Variants in NKAIN2 observed in about 807,000 individuals in gnomAD.
NKAIN2 encodes sodium/potassium-transporting ATPase subunit beta-1-interacting protein 2.
A neutral mutation model predicts 32.6 loss-of-function variants in NKAIN2; 14 were observed. That is an observed-to-expected ratio of 0.43 (90% confidence interval 0.28 to 0.67). The LOEUF (loss-of-function observed/expected upper bound fraction) is 0.67. Ranked by LOEUF, NKAIN2 falls within the 30% of genes least tolerant of loss-of-function variation. The pLI is 0.17. For missense variants in NKAIN2, 198 were observed against 258.3 expected, an observed-to-expected ratio of 0.77 and a Z score of 1.60; for synonymous variants, 80 against 87.2, an observed-to-expected ratio of 0.92 and a Z score of 0.46.
intron 2 of NKAIN2, among the ~76,000 whole-genome samples, chr6:124,308,147 C>T (rs1031424593): frequency 3.3e-5 from 5 of 151,976 alleles, no homozygotes; most frequent in Non-Finnish European, 7.4e-5. Context: ...CCTTTGCCCC[C>T]CACCCCGCAG....
rs184547778 is a variant in NKAIN2 at position 124,659,244 on chromosome 6, T to C, written c.474+858T>C. Among the ~76,000 whole-genome samples the C allele has an allele frequency of 8.8e-4, 134 of 152,326 alleles. 1 individual carries two copies. The highest frequency in any genetic ancestry group is 2.4e-4 in the Non-Finnish European group (16 of 68,022). ...ATTCTATGTGGATGTGCAATTGATG[T>C]GCATAGTATTAAAATTGTTAGCAAC... On this transcript the variant is annotated intron_variant, in intron 4 of 6. Transcript: ENST00000368417.
At chr6:124,812,599 G>T (rs1161256336) in intron 5 of NKAIN2, among the ~76,000 whole-genome samples, 3 of 152,062 alleles carry the variant, frequency 2.0e-5, no homozygotes, top group Admixed American at 6.6e-5. Flanking sequence ...TAACATCCCA[G>T]CAAGTCCCCA....
chr6:124,013,741 C>G (rs1393987820), intron 1 of NKAIN2, among the ~76,000 whole-genome samples: 2 of 152,162 alleles, frequency 1.3e-5, no homozygotes, highest in African/African-American at 4.8e-5. Context: ...CCAGTTTAAT[C>G]ACACGTGTCT....
intron 3 of NKAIN2, among the ~76,000 whole-genome samples, chr6:124,628,294 G>A (rs148337481): frequency 6.6e-6 from 1 of 151,610 alleles, no homozygotes; most frequent in African/African-American, 2.4e-5. Context: ...CTTTCCTAAG[G>A]TTGTAGATAT....
intron 1 of NKAIN2, among the ~76,000 whole-genome samples, chr6:124,160,074 A>C (rs2114443318): frequency 6.6e-6 from 1 of 152,216 alleles, no homozygotes. Flanking sequence ...TGTGGGATAA[A>C]CCCTAGCTTA....
At chr6:124,141,266 G>T (rs2114333326) in intron 1 of NKAIN2, among the ~76,000 whole-genome samples, 2 of 151,760 alleles carry the variant, frequency 1.3e-5, no homozygotes, top group South Asian at 4.2e-4. Context: ...GATTCACAAA[G>T]AAAAAAAATA....
chr6:124,436,256 T>C (rs564727132), intron 3 of NKAIN2, among the ~76,000 whole-genome samples: 4 of 152,274 alleles, frequency 2.6e-5, no homozygotes, highest in African/African-American at 9.6e-5. Flanking sequence ...AGACCCTCTG[T>C]AGTATCAATT....
intron 4 of NKAIN2, among the ~76,000 whole-genome samples, chr6:124,698,200 G>A (rs565734030): frequency 3.3e-5 from 5 of 152,304 alleles, no homozygotes; most frequent in African/African-American, 1.2e-4. Context: ...AAGCCAGTTT[G>A]CAGTGTGGGC....
intron 1 of NKAIN2, among the ~76,000 whole-genome samples, chr6:124,065,075 G>T (rs566687970): frequency 6.6e-6 from 1 of 151,984 alleles, no homozygotes; most frequent in South Asian, 2.1e-4. Context: ...ATTTTCTGTC[G>T]TCCCACAAGC....
At chr6:124,118,931 A>T (rs535591364) in intron 1 of NKAIN2, among the ~76,000 whole-genome samples, 1 of 152,330 alleles carries the variant, frequency 6.6e-6, no homozygotes, top group East Asian at 1.9e-4. Flanking sequence ...TTAAGCAGTT[A>T]GATGGTGAGC....
chr6:124,697,489 TAC>T (rs779556288), intron 4 of NKAIN2, among the ~76,000 whole-genome samples: 1 of 152,298 alleles, frequency 6.6e-6, no homozygotes, highest in Admixed American at 6.5e-5. Flanking sequence ...CAGTTATGAG[TAC>T]ACTTCTGTGT....
At chr6:124,610,245 G>A (rs750365034) in intron 3 of NKAIN2, among the ~76,000 whole-genome samples, 41 of 152,248 alleles carry the variant, frequency 2.7e-4, no homozygotes, top group Middle Eastern at 3.4e-3. Flanking sequence ...CTACTCAGGG[G>A]CACAAACAAG....
chr6:124,738,531 A>G (rs1247348111), intron 4 of NKAIN2, among the ~76,000 whole-genome samples: 1 of 151,580 alleles, frequency 6.6e-6, no homozygotes, highest in East Asian at 2.0e-4. Flanking sequence ...GCTATTTAAC[A>G]ATATTTTACA....
chr6:123,963,853 G>A (rs1777960285), intron 1 of NKAIN2, among the ~76,000 whole-genome samples: 1 of 152,092 alleles, frequency 6.6e-6, no homozygotes, highest in Non-Finnish European at 1.5e-5. Context: ...TTATGAGGCA[G>A]CAAAGTTATA....
At chr6:124,366,309 A>G (rs1411155428) in intron 3 of NKAIN2, among the ~76,000 whole-genome samples, 1 of 152,178 alleles carries the variant, frequency 6.6e-6, no homozygotes, top group Non-Finnish European at 1.5e-5. Context: ...AGAGTACATT[A>G]TGAACAAGTT....
At chr6:124,112,608 C>T (rs1338941893) in intron 1 of NKAIN2, among the ~76,000 whole-genome samples, 1 of 152,090 alleles carries the variant, frequency 6.6e-6, no homozygotes, top group African/African-American at 2.4e-5. Flanking sequence ...TTAACTTCCC[C>T]AGATTTGTGA....
At chr6:124,351,520 AAAAAG>A (rs1185059848) in intron 2 of NKAIN2, among the ~76,000 whole-genome samples, 11 of 151,798 alleles carry the variant, frequency 7.2e-5, no homozygotes, top group South Asian at 2.1e-4. Context: ...AAAAAAAAAA[AAAAAG>A]AAAAGAAGAA....
At chr6:124,600,431 G>A (rs11154249) in intron 3 of NKAIN2, among the ~76,000 whole-genome samples, 69,534 of 151,850 alleles carry the variant, frequency 0.46, 18,745 homozygotes, top group Non-Finnish European at 0.58. Flanking sequence ...GATTTATATC[G>A]TATGAAACAT....
intron 1 of NKAIN2, among the ~76,000 whole-genome samples, chr6:123,905,253 T>A (rs1462481298): frequency 6.6e-6 from 1 of 151,988 alleles, no homozygotes; most frequent in African/African-American, 2.4e-5. Flanking sequence ...ACGAACTCCC[T>A]TGTCCCTCCA....
Sources: gnomAD v4.1 joint callset for allele counts (sites outside exome capture counted in the v4.1 genomes callset) on GRCh38, gnomAD v4.1.1 for gene constraint, MANE v1.5 for transcripts, NCBI Gene and HGNC (gene_info 2026-07-23, HGNC 2026-07-21) for gene names.